The following SMYD5 variants were observed in gnomAD, a reference collection of about 807,000 sequenced individuals.
The protein encoded by SMYD5 is SMYD family member 5.
In SMYD5, 35 loss-of-function variants were observed where a neutral mutation model predicts 57.4. That is an observed-to-expected ratio of 0.61 (90% confidence interval 0.47 to 0.81). The LOEUF (loss-of-function observed/expected upper bound fraction) is 0.81. Among genes scored for constraint, SMYD5 ranks in the 30% least tolerant of loss-of-function variants. The pLI, the probability that SMYD5 is intolerant of heterozygous loss-of-function variation, is 0.00. For missense variants in SMYD5, 471 were observed against 527.9 expected (o/e 0.89, Z 1.06); for synonymous variants, 198 against 189.7 (o/e 1.04, Z -0.36).
Position 73,223,993 on chromosome 2 carries a change from T to C in SMYD5, c.930T>C (p.Leu310=). 6.2e-7 allele frequency: 1 copy of C among 1,614,166 alleles called. No individual in the cohort carries two copies. Among genetic ancestry groups the C allele is most frequent in the Non-Finnish European group, 8.5e-7 (1 of 1,179,986 alleles). ...GTGAAGGATCTGGCCTCTTTGTGCT[T>C]CAGAGCTGCTGTGAGTCATGGCGTT... is the stretch of plus-strand genomic sequence containing the variant. ...LNCEGSGLFV[L]QSCCNHSCVP... Residue 310 remains leucine, a synonymous_variant, in exon 10 of 13, where the codon CTT becomes CTC. Transcript: ENST00000389501.
chr2:73,220,688 T>C lies in SMYD5; in HGVS notation c.373T>C (p.Leu125=), dbSNP rs1471150443. ...QVMYCSAECR[L]AATEQYHQVL... Reference sequence around the variant, plus strand: ...GATGTACTGCAGTGCAGAATGTCGGTTGGCAGCCACTGAGCAATACCACCA... The same window carrying C: ...GATGTACTGCAGTGCAGAATGTCGGCTGGCAGCCACTGAGCAATACCACCA... The change falls in exon 4 of 13, where the codon TTG becomes CTG. Residue 125 remains leucine (L), a synonymous_variant. Coordinates refer to ENST00000389501, the MANE Select transcript of SMYD5 (RefSeq NM_006062.3). 2 of 1,614,052 alleles carry C rather than the reference T, an allele frequency of 1.2e-6. No individual in the cohort carries two copies.
At chr2:73,220,960 T>C (rs1686379945) in intron 4 of SMYD5, among the ~76,000 whole-genome samples, 178 bp downstream of exon 4, 1 of 152,176 alleles carries the variant, frequency 6.6e-6, no homozygotes, top group African/African-American at 2.4e-5. Flanking sequence ...TGTCAGTCTT[T>C]CTGTCCTTAG....
chr2:73,220,926 C>G, intron 4 of SMYD5, 144 bp downstream of exon 4: 5 of 965,014 alleles, frequency 5.2e-6, no homozygotes, highest in Non-Finnish European at 7.6e-6. Flanking sequence ...TCACATAACC[C>G]TATCCCCTGC....
rs969177686 is a variant in SMYD5, at chr2:73,222,921, T to C, written c.705+104T>C. 9.5e-5 allele frequency: 141 copies of C among 1,490,916 alleles called. No individual in the cohort carries two copies. The Admixed American group carries it at 2.4e-3, about 25-fold the overall frequency. 92.4% of individuals were successfully genotyped at this position (1,490,916 alleles called of 1,614,324 possible). Reference sequence around the variant, plus strand: ...TGGGACAGCTGAGCCAAAGCCGACTTGGTCTTCTGGAGTTCAGATGAGCCT... The same window carrying C: ...TGGGACAGCTGAGCCAAAGCCGACTCGGTCTTCTGGAGTTCAGATGAGCCT... On this transcript the variant is annotated intron_variant, in intron 7 of 12. Transcript: ENST00000389501.
chr2:73,225,518 C>T, intron 11 of SMYD5, 113 bp from the exon 12 acceptor site: 1 of 990,652 alleles, frequency 1.0e-6, no homozygotes, highest in Admixed American at 2.0e-5. Flanking sequence ...AAGGGCAACG[C>T]AAACTTGGCT....
intron 5 of SMYD5, among the ~76,000 whole-genome samples, 160 bp from the exon 6 acceptor site, chr2:73,221,666 T>C (rs1686399049): frequency 1.3e-5 from 2 of 152,150 alleles, no homozygotes; most frequent in South Asian, 4.1e-4. Flanking sequence ...CTATCTTGGC[T>C]ACAACTGGGG....
chr2:73,221,432 C>CTTTTTTTT (rs57627686), intron 5 of SMYD5, among the ~76,000 whole-genome samples, 198 bp downstream of exon 5: 2 of 128,494 alleles, frequency 1.6e-5, no homozygotes, highest in Non-Finnish European at 1.7e-5. Flanking sequence ...TGCCTGTAGT[C>CTTTTTTTT]TTTTTTTTTT....
intron 7 of SMYD5, 79 bp downstream of exon 7, chr2:73,222,896 T>C: frequency 1.3e-6 from 2 of 1,528,706 alleles, no homozygotes; most frequent in Non-Finnish European, 1.8e-6. Context: ...CATCTCCTAC[T>C]GGGACAGCTG....
intron 9 of SMYD5, 47 bp downstream of exon 9, chr2:73,223,579 C>A (rs754020065): frequency 3.3e-5 from 41 of 1,260,664 alleles, no homozygotes; most frequent in South Asian, 8.3e-5. Flanking sequence ...GCGACCCCCC[C>A]AGTCAGATGG....
At chr2:73,223,849 G>A (rs1686452062) in intron 9 of SMYD5, 98 bp from the exon 10 acceptor site, 5 of 1,114,118 alleles carry the variant, frequency 4.5e-6, no homozygotes, top group Non-Finnish European at 6.9e-6. Flanking sequence ...TGGTGGGGTT[G>A]CAGGACAGTG....
rs778460420 is a variant in SMYD5 at position 73,224,850 on chromosome 2, G to A, written c.941-16G>A. The A allele has an allele frequency of 1.8e-5, 29 of 1,590,690 alleles. No individual in the cohort carries two copies. Among genetic ancestry groups the A allele is most frequent in the Non-Finnish European group, 2.4e-5 (28 of 1,160,870 alleles). On this transcript the variant is annotated splice_polypyrimidine_tract_variant and intron_variant, in intron 10 of 12. Coordinates refer to ENST00000389501, the MANE Select transcript of SMYD5 (RefSeq NM_006062.3). Reference sequence around the variant, plus strand: ...TTTTAGTCAATAATCCTCATTACCTGCCTCTTATGATCCAGGCAACCACAG... The same window carrying A: ...TTTTAGTCAATAATCCTCATTACCTACCTCTTATGATCCAGGCAACCACAG...
chr2:73,225,207 C>A, intron 11 of SMYD5: 1 of 499,102 alleles, frequency 2.0e-6, no homozygotes, highest in South Asian at 2.9e-5. Flanking sequence ...GATTCTTGTC[C>A]CCAGCTATCT....
Position 73,221,872 on chromosome 2 carries a change from A to C in SMYD5, c.584A>C (p.Asn195Thr), listed in dbSNP as rs761911135. ...ATCAGACTCTTTTCCCAGTTTTGTAACAAAACAGCCAATGAAGAGGAGGAA... is the reference window on the plus strand; with the variant it reads ...ATCAGACTCTTTTCCCAGTTTTGTACCAAAACAGCCAATGAAGAGGAGGAA... ...RWIRLFSQFC[N>T]KTANEEEEIV... is the part of the protein sequence containing the mutation. The change falls in exon 6 of 13, where the codon AAC becomes ACC. Residue 195 changes from asparagine to threonine, a missense_variant. Coordinates refer to ENST00000389501, the MANE Select transcript of SMYD5 (RefSeq NM_006062.3). The C allele has an allele frequency of 3.7e-6, 6 of 1,614,100 alleles. No individual in the cohort carries two copies. Among genetic ancestry groups the C allele is most frequent in the Non-Finnish European group, 5.1e-6 (6 of 1,179,944 alleles).
chr2:73,218,848 T>C lies in SMYD5; in HGVS notation c.97-13T>C, dbSNP rs1203777451. ...TTCCTTTTTATGGCCATCCTATCCCTCTGCCCTCTCAGGGAAAGGGGCTGT... is the reference window on the plus strand; with the variant it reads ...TTCCTTTTTATGGCCATCCTATCCCCCTGCCCTCTCAGGGAAAGGGGCTGT... On this transcript the variant is annotated splice_polypyrimidine_tract_variant and intron_variant, in intron 1 of 12. Transcript: ENST00000389501. 1 of 1,600,456 alleles carries C rather than the reference T, an allele frequency of 6.2e-7. No homozygotes were observed. The highest frequency in any genetic ancestry group is 8.6e-7 in the Non-Finnish European group (1 of 1,167,534).
rs148050598 is a variant in SMYD5 at position 73,221,354 on chromosome 2, GGAGAGCTCCTT to G, written c.537+122_537+132del. 5.8e-4 allele frequency: 459 copies of G among 785,310 alleles called. 4 individuals carry two copies. In the African/African-American group the frequency reaches 7.2e-3, roughly 12 times the overall value. The allele number at this position is 785,310 out of a possible 1,614,324, so 48.6% of individuals were successfully genotyped here. ...CAGAGTTCTTCCTGGCCTTCCCAAA[GGAGAGCTCCTT>G]GCTATGTAAAACCTTCAGAATGCAC... On this transcript the variant is annotated intron_variant, in intron 5 of 12. Transcript: ENST00000389501.
At position 73,226,044 on chromosome 2, in the gene SMYD5, G is replaced by A. The variant is rs1185614291; in HGVS notation, c.*98G>A. The A allele has an allele frequency of 2.1e-6, 3 of 1,452,008 alleles. No individual in the cohort carries two copies. The highest frequency in any genetic ancestry group is 2.4e-4 in the Middle Eastern group (1 of 4,120). The allele number at this position is 1,452,008 out of a possible 1,614,324, so 89.9% of individuals were successfully genotyped here. On this transcript the variant is annotated 3_prime_UTR_variant, in exon 13 of 13. Coordinates refer to ENST00000389501, the MANE Select transcript of SMYD5 (RefSeq NM_006062.3). ...TTGGAGGGAACTTCCCACTCCCATT[G>A]CCTGCTTTCCCCATTCCAGCCCTCT...
rs556983996 is a variant in SMYD5 at position 73,225,571 on chromosome 2, G to A, written c.1036-60G>A. 6.2e-5 allele frequency: 92 copies of A among 1,473,558 alleles called. 1 individual carries two copies. The South Asian group carries it at 1.0e-3, about 16-fold the overall frequency. The allele number at this position is 1,473,558 out of a possible 1,614,324, so 91.3% of individuals were successfully genotyped here. ...GGTTGGAGATAGGGTAGCTGTTGGG[G>A]AGGTCCTTATGCCATTTAAAAGAGC... On this transcript the variant is annotated intron_variant, in intron 11 of 12. Coordinates refer to ENST00000389501, the MANE Select transcript of SMYD5 (RefSeq NM_006062.3).
chr2:73,221,730 C>T (rs1238842225), intron 5 of SMYD5, 96 bp from the exon 6 acceptor site: 29 of 814,626 alleles, frequency 3.6e-5, no homozygotes, highest in Non-Finnish European at 6.2e-5. Flanking sequence ...AGGAAGGGCC[C>T]CTATAAGTTC....
In SMYD5 at chr2:73,223,573, C is replaced by T. The variant is rs750596138; in HGVS notation, c.883+41C>T. On this transcript the variant is annotated intron_variant, in intron 9 of 12. Coordinates refer to ENST00000389501, the MANE Select transcript of SMYD5 (RefSeq NM_006062.3). ...CCTTGGCCTCACCCAGCCATGGCGA[C>T]CCCCCCAGTCAGATGGTGGACACAA... 4.6e-6 allele frequency: 6 copies of T among 1,309,194 alleles called. No homozygotes were observed. In the Admixed American group the frequency reaches 8.4e-5, roughly 18 times the overall value. The allele number at this position is 1,309,194 out of a possible 1,614,324, so 81.1% of individuals were successfully genotyped here.
Sources: allele counts gnomAD v4.1 joint callset (sites outside exome capture counted in the v4.1 genomes callset), GRCh38; gene constraint gnomAD v4.1.1; transcripts MANE v1.5; gene names NCBI Gene and HGNC (gene_info 2026-07-23, HGNC 2026-07-21).